The following CLSTN2 variants were observed in gnomAD, a reference collection of about 807,000 sequenced individuals.
The protein encoded by CLSTN2 is calsyntenin 2.
Under a neutral mutation model 101.2 loss-of-function variants are expected in CLSTN2, and 48 were observed. That is an observed-to-expected ratio of 0.47 (90% CI 0.38 to 0.60). The LOEUF (loss-of-function observed/expected upper bound fraction) is 0.60. CLSTN2 is among the 20% of genes least tolerant of loss of function. The pLI, the probability that CLSTN2 is intolerant of heterozygous loss-of-function variation, is 0.00. For missense variants in CLSTN2, 1,160 were observed against 1,238.2 expected, an observed-to-expected ratio of 0.94 and a Z score of 0.95; for synonymous variants, 481 against 463.6, an observed-to-expected ratio of 1.04 and a Z score of -0.48.
At chr3:140,236,862 TGTA>T (rs2086422792) in intron 2 of CLSTN2, among the ~76,000 whole-genome samples, 1 of 86,938 alleles carries the variant, frequency 1.2e-5, no homozygotes, top group Non-Finnish European at 2.4e-5. Flanking sequence ...TGTGTGTGTG[TGTA>T]TATAAATTTC....
intron 1 of CLSTN2, among the ~76,000 whole-genome samples, chr3:140,009,487 ATTC>A (rs1215129991): frequency 6.6e-6 from 1 of 152,194 alleles, no homozygotes; most frequent in Non-Finnish European, 1.5e-5. Context: ...TTTGCTATTT[ATTC>A]AATAAATATT....
chr3:140,451,955 G>T (rs1933262068), intron 6 of CLSTN2, among the ~76,000 whole-genome samples: 1 of 152,208 alleles, frequency 6.6e-6, no homozygotes, highest in African/African-American at 2.4e-5. Context: ...AATGAGTTCT[G>T]AACCAGGGGA....
chr3:139,948,546 A>G (rs1935246813), intron 1 of CLSTN2, among the ~76,000 whole-genome samples: 1 of 152,182 alleles, frequency 6.6e-6, no homozygotes, highest in Non-Finnish European at 1.5e-5. Context: ...AGGGCTTGCT[A>G]TGAGCCACCA....
intron 10 of CLSTN2, among the ~76,000 whole-genome samples, chr3:140,546,891 C>T (rs992631651): frequency 9.2e-5 from 14 of 152,162 alleles, no homozygotes; most frequent in African/African-American, 3.1e-4. Context: ...TTCTGAAACT[C>T]CTAGATCAAG....
intron 1 of CLSTN2, among the ~76,000 whole-genome samples, chr3:140,078,412 A>G (rs981700220): frequency 2.0e-5 from 3 of 152,182 alleles, no homozygotes; most frequent in Non-Finnish European, 4.4e-5. Flanking sequence ...CATAGTACCA[A>G]TGTGTGATAT....
Position 140,567,176 on chromosome 3 carries a change from G to A in CLSTN2, c.*923G>A, listed in dbSNP as rs1985293684. On this transcript the variant is annotated 3_prime_UTR_variant, in exon 17 of 17. Coordinates refer to ENST00000458420, the MANE Select transcript of CLSTN2 (RefSeq NM_022131.3). ...CCAGAAAGCAGATGGAAATGCTAAT[G>A]AGGTCAAACGTAGGCTTCATGGTGG... 2 of 152,448 alleles carry A rather than the reference G, an allele frequency of 1.3e-5. No homozygotes were observed. Among genetic ancestry groups the A allele is most frequent in the Non-Finnish European group, 2.9e-5 (2 of 68,230 alleles). The allele number at this position is 152,448 out of a possible 1,614,324, so 9.4% of individuals were successfully genotyped here.
intron 2 of CLSTN2, among the ~76,000 whole-genome samples, chr3:140,268,653 G>T (rs1451197507): frequency 6.6e-6 from 1 of 152,172 alleles, no homozygotes; most frequent in Non-Finnish European, 1.5e-5. Context: ...TCTCCTTCCT[G>T]GCTAACTCAG....
intron 2 of CLSTN2, among the ~76,000 whole-genome samples, chr3:140,289,890 A>C (rs1452901201): frequency 1.3e-5 from 2 of 151,756 alleles, no homozygotes; most frequent in Non-Finnish European, 2.9e-5. Context: ...ATGTATGTTA[A>C]ATGATGACAA....
intron 2 of CLSTN2, among the ~76,000 whole-genome samples, chr3:140,320,607 T>C (rs981726844): frequency 1.6e-4 from 23 of 142,220 alleles, no homozygotes; most frequent in Non-Finnish European, 2.6e-4. Flanking sequence ...TTGTGTTTTT[T>C]TTGCGGGGGG....
chr3:140,034,655 G>T (rs970929426), intron 1 of CLSTN2, among the ~76,000 whole-genome samples: 1 of 152,232 alleles, frequency 6.6e-6, no homozygotes, highest in Non-Finnish European at 1.5e-5. Context: ...AGCCTCCAAA[G>T]CTCTGGGAGA....
intron 1 of CLSTN2, among the ~76,000 whole-genome samples, chr3:140,014,363 T>G (rs1038610432): frequency 2.0e-5 from 3 of 152,000 alleles, no homozygotes. Flanking sequence ...AGAGTACAGG[T>G]GCATGCTACC....
Position 140,089,580 on chromosome 3 carries a change from T to TTTA in CLSTN2, c.110-86369_110-86368insATT, listed in dbSNP as rs2008740278. 3.4e-5 allele frequency among the ~76,000 whole-genome samples: 5 copies of TTTA among 146,040 alleles called. No homozygotes were observed. In the South Asian group the frequency reaches 1.1e-3, roughly 32 times the overall value. On this transcript the variant is annotated intron_variant, in intron 1 of 16. Coordinates refer to ENST00000458420, the MANE Select transcript of CLSTN2 (RefSeq NM_022131.3). ...TATTTTGGTCTTCCTTTTCAGCTGG[T>TTTA]TTTATTTATTTATTTATTTATTTAT...
At chr3:140,464,855 G>A (rs1263316303) in intron 7 of CLSTN2, among the ~76,000 whole-genome samples, 4 of 152,162 alleles carry the variant, frequency 2.6e-5, no homozygotes, top group African/African-American at 7.2e-5. Context: ...GATGTTGGCC[G>A]AGGCCAGCCC....
intron 2 of CLSTN2, among the ~76,000 whole-genome samples, chr3:140,352,977 C>A (rs1425872597): frequency 1.3e-5 from 2 of 152,178 alleles, no homozygotes; most frequent in African/African-American, 4.8e-5. Context: ...TGTACTGAAC[C>A]TGTGTAAACT....
At position 140,008,243 on chromosome 3, in the gene CLSTN2, G is replaced by A. The variant is rs78181827; in HGVS notation, c.109+72760G>A. The stretch of plus-strand genomic sequence containing the variant: ...TGTCCTGTGCTTCCTCAAGGGAATA[G>A]CTGTGAGCTGCCTGATTGCCCTAGG... On this transcript the variant is annotated intron_variant, in intron 1 of 16. Coordinates refer to ENST00000458420, the MANE Select transcript of CLSTN2 (RefSeq NM_022131.3). 2.0e-5 allele frequency among the ~76,000 whole-genome samples: 3 copies of A among 152,334 alleles called. No homozygotes were observed. The East Asian group carries it at 5.8e-4, about 29-fold the overall frequency.
intron 2 of CLSTN2, among the ~76,000 whole-genome samples, chr3:140,295,789 G>A (rs2086997465): frequency 6.6e-6 from 1 of 152,156 alleles, no homozygotes; most frequent in Non-Finnish European, 1.5e-5. Flanking sequence ...AGAAATGAGG[G>A]ACAAAGGAAT....
chr3:140,061,546 A>C (rs1174306688), intron 1 of CLSTN2, among the ~76,000 whole-genome samples: 1 of 152,198 alleles, frequency 6.6e-6, no homozygotes. Context: ...TTGCTCTCCT[A>C]TAGTGGGAGG....
intron 2 of CLSTN2, among the ~76,000 whole-genome samples, chr3:140,321,754 T>A (rs547941949): frequency 5.7e-4 from 86 of 151,900 alleles, no homozygotes; most frequent in African/African-American, 2.0e-3. Context: ...TCCCCCAGAG[T>A]TTATCAGATT....
intron 1 of CLSTN2, among the ~76,000 whole-genome samples, chr3:139,974,455 G>A (rs1048666791): frequency 7.9e-5 from 12 of 152,148 alleles, no homozygotes; most frequent in Non-Finnish European, 1.5e-4. Flanking sequence ...GGCTAATTTG[G>A]ACCACCTTTC....
Sources: gnomAD v4.1 joint callset for allele counts (sites outside exome capture counted in the v4.1 genomes callset) on GRCh38, gnomAD v4.1.1 for gene constraint, MANE v1.5 for transcripts, NCBI Gene and HGNC (gene_info 2026-07-23, HGNC 2026-07-21) for gene names.